The following KAZN variants were observed in gnomAD, a reference collection of about 807,000 sequenced individuals.
KAZN encodes kazrin, periplakin interacting protein, also known as kazrin.
Under a neutral mutation model 87.4 loss-of-function variants are expected in KAZN, and 40 were observed. That is an observed-to-expected ratio of 0.46 (90% confidence interval 0.36 to 0.60). The LOEUF (loss-of-function observed/expected upper bound fraction) is 0.60, where lower values mean the gene tolerates loss of function less well. Ranked by LOEUF, KAZN falls within the 20% of genes least tolerant of loss-of-function variation. The pLI is 0.00. For missense variants in KAZN, 898 were observed against 1,073.9 expected (o/e 0.84, Z 2.29); for synonymous variants, 466 against 458.3 (o/e 1.02, Z -0.22).
At chr1:14,216,774 G>A (rs190476651) in intron 2 of KAZN, among the ~76,000 whole-genome samples, 10 of 152,084 alleles carry the variant, frequency 6.6e-5, no homozygotes, top group Admixed American at 4.6e-4. Context: ...AGTGGTGGTG[G>A]GAGCCTGTAA....
At chr1:14,595,142 T>G (rs1389151889), upstream of KAZN, among the ~76,000 whole-genome samples, 1 of 44,592 alleles carries the variant, frequency 2.2e-5, no homozygotes, top group East Asian at 4.4e-4. Context: ...AGACTCCATC[T>G]CAAAAAAAAA....
intron 2 of KAZN, among the ~76,000 whole-genome samples, chr1:14,414,514 C>T (rs1664584088): frequency 6.6e-6 from 1 of 152,036 alleles, no homozygotes; most frequent in Admixed American, 6.5e-5. Context: ...ACTGTAGAAA[C>T]ATAATGCTTA....
At chr1:14,140,679 C>T (rs913718153) in intron 1 of KAZN, among the ~76,000 whole-genome samples, 3 of 152,066 alleles carry the variant, frequency 2.0e-5, no homozygotes, top group Non-Finnish European at 4.4e-5. Flanking sequence ...TTCTTACACA[C>T]GTGTAAGCTG....
At chr1:14,712,569 A>AC (rs912287161) in intron 1 of KAZN, among the ~76,000 whole-genome samples, 2 of 151,876 alleles carry the variant, frequency 1.3e-5, no homozygotes, top group African/African-American at 4.8e-5. Context: ...ATCATTTGAG[A>AC]CCCCTCCGAT....
intron 2 of KAZN, among the ~76,000 whole-genome samples, chr1:14,328,786 A>G (rs1041307477): frequency 6.3e-5 from 9 of 142,370 alleles, no homozygotes; most frequent in African/African-American, 2.1e-4. Context: ...TCCAGATTCT[A>G]TGTACACATG....
intron 1 of KAZN, among the ~76,000 whole-genome samples, chr1:14,823,091 C>A (rs1030824952): frequency 6.6e-6 from 1 of 151,936 alleles, no homozygotes; most frequent in East Asian, 1.9e-4. Context: ...CCCCCTGCAA[C>A]CAGCCCCGTT....
chr1:14,728,287 TATAAAAAAAA>T (rs1643509701), intron 1 of KAZN, among the ~76,000 whole-genome samples: 1 of 70,424 alleles, frequency 1.4e-5, no homozygotes. Context: ...ACACCGTATA[TATAAAAAAAA>T]AAAAAAAAAA....
intron 2 of KAZN, among the ~76,000 whole-genome samples, chr1:14,310,509 A>G (rs920323517): frequency 2.6e-5 from 4 of 152,166 alleles, no homozygotes; most frequent in Admixed American, 2.6e-4. Context: ...ACACACGCCC[A>G]CGCATTGCCT....
intron 1 of KAZN, among the ~76,000 whole-genome samples, chr1:14,634,095 T>C (rs1679784877): frequency 6.6e-6 from 1 of 152,138 alleles, no homozygotes; most frequent in African/African-American, 2.4e-5. Context: ...ACCCATTCTT[T>C]TCCCTCTCTT....
chr1:14,133,161 G>C (rs1048796925), intron 1 of KAZN, among the ~76,000 whole-genome samples: 1 of 152,040 alleles, frequency 6.6e-6, no homozygotes, highest in Admixed American at 6.6e-5. Flanking sequence ...GAGGTCAAGA[G>C]ATTGAGACCA....
intron 1 of KAZN, among the ~76,000 whole-genome samples, chr1:14,629,274 A>G (rs906460949): frequency 6.6e-6 from 1 of 152,216 alleles, no homozygotes; most frequent in African/African-American, 2.4e-5. Flanking sequence ...AGTGCCTGAC[A>G]TTGTAAGAAA....
chr1:14,871,463 C>T (rs973532636), intron 1 of KAZN, among the ~76,000 whole-genome samples: 4 of 152,052 alleles, frequency 2.6e-5, no homozygotes, highest in Admixed American at 6.6e-5. Flanking sequence ...GTGTACAAGT[C>T]GCTCTGGTCT....
chr1:14,754,068 G>A (rs145168324), intron 1 of KAZN, among the ~76,000 whole-genome samples: 29 of 152,320 alleles, frequency 1.9e-4, no homozygotes, highest in African/African-American at 7.0e-4. Context: ...AATCGACGTA[G>A]GCTGTGTACA....
intron 2 of KAZN, among the ~76,000 whole-genome samples, chr1:14,344,908 TC>T (rs1658000331): frequency 6.7e-6 from 1 of 149,460 alleles, no homozygotes; most frequent in East Asian, 2.0e-4. Flanking sequence ...ACCATTGCCA[TC>T]CCCTCTTCTT....
At chr1:14,419,729 G>A (rs931208561) in intron 2 of KAZN, among the ~76,000 whole-genome samples, 50 of 152,000 alleles carry the variant, frequency 3.3e-4, no homozygotes, top group African/African-American at 1.2e-3. Flanking sequence ...AGACCTCCGC[G>A]GTGAGCGTTA....
intron 1 of KAZN, among the ~76,000 whole-genome samples, chr1:14,888,262 C>T (rs1654317741): frequency 6.6e-6 from 1 of 152,232 alleles, no homozygotes; most frequent in African/African-American, 2.4e-5. Flanking sequence ...AGTCTCCCAG[C>T]ATATGGACAT....
chr1:14,619,202 GTT>G (rs35156508), intron 1 of KAZN, among the ~76,000 whole-genome samples: 49 of 146,228 alleles, frequency 3.4e-4, no homozygotes, highest in Non-Finnish European at 7.1e-4. Flanking sequence ...ATCATTCTTG[GTT>G]TTTTTTTTTT....
In KAZN at chr1:14,523,283, C is replaced by T. The variant is rs370047372; in HGVS notation, c.250-75700C>T. ...ATAAACTTTTCTTCAAAGATTCTCT[C>T]GCTCTTCATGTCCCTCCCAGAGTTG... On this transcript the variant is annotated intron_variant, in intron 2 of 16. Transcript: ENST00000636203. Among the ~76,000 whole-genome samples, 11 of 152,314 alleles carry T rather than the reference C, an allele frequency of 7.2e-5. No individual in the cohort carries two copies. The East Asian group carries it at 1.5e-3, about 21-fold the overall frequency.
chr1:14,628,803 A>G lies in KAZN; in HGVS notation c.226+29580A>G, dbSNP rs113732205. ...AACACCTCTTGCTTCCATCATTAAC[A>G]CTTAACAAAACCGGAAGCACTGTCA... On this transcript the variant is annotated intron_variant, in intron 1 of 14. Transcript: ENST00000376030. Among the ~76,000 whole-genome samples, 762 of 150,736 alleles carry G rather than the reference A, an allele frequency of 5.1e-3. 1 individual carries two copies. The highest frequency in any genetic ancestry group is 9.0e-3 in the Admixed American group (137 of 15,168).
Sources: allele counts gnomAD v4.1 joint callset (sites outside exome capture counted in the v4.1 genomes callset), GRCh38; gene constraint gnomAD v4.1.1; transcripts MANE v1.5; gene names NCBI Gene and HGNC (gene_info 2026-07-23, HGNC 2026-07-21).